The following GRIK4 variants were observed in gnomAD, a reference collection of about 807,000 sequenced individuals.
GRIK4 encodes the protein glutamate receptor ionotropic, kainate 4.
Under a neutral mutation model 104.9 loss-of-function variants are expected in GRIK4, and 40 were observed. That is an observed-to-expected ratio of 0.38 (90% CI 0.30 to 0.50). The LOEUF (loss-of-function observed/expected upper bound fraction) is 0.50. GRIK4 is among the 20% of genes least tolerant of loss of function. The probability of loss-of-function intolerance (pLI) is 0.93; values close to 1 mark genes in which losing one functional copy is unlikely to be tolerated. For synonymous variants in GRIK4, 485 were observed against 524.9 expected (o/e 0.92, Z 1.04); for missense variants, 1,047 against 1,308.1 (o/e 0.80, Z 3.08).
At chr11:120,854,854 A>AT (rs905139310) in intron 8 of GRIK4, among the ~76,000 whole-genome samples, 36 of 151,900 alleles carry the variant, frequency 2.4e-4, no homozygotes, top group South Asian at 6.3e-4. Flanking sequence ...AAATTAAAAG[A>AT]TTTTTTTTTA....
At chr11:120,788,968 A>T (rs979479604) in intron 3 of GRIK4, among the ~76,000 whole-genome samples, 1 of 152,106 alleles carries the variant, frequency 6.6e-6, no homozygotes, top group Admixed American at 6.5e-5. Flanking sequence ...GAGAATGCTC[A>T]GTCCTTGTTT....
chr11:120,629,035 G>A (rs1050132116), intron 1 of GRIK4, among the ~76,000 whole-genome samples: 8 of 152,178 alleles, frequency 5.3e-5, no homozygotes, highest in African/African-American at 9.7e-5. Flanking sequence ...AAGGAGGCAC[G>A]CGGCCGCTGA....
chr11:120,821,768 A>G (rs1953132085), intron 6 of GRIK4, among the ~76,000 whole-genome samples: 1 of 152,236 alleles, frequency 6.6e-6, no homozygotes. Flanking sequence ...TCCATCACTC[A>G]GGCAGTCAAC....
intron 1 of GRIK4, among the ~76,000 whole-genome samples, chr11:120,541,747 C>A (rs1032192430): frequency 2.0e-5 from 3 of 152,012 alleles, no homozygotes; most frequent in Non-Finnish European, 4.4e-5. Flanking sequence ...CCTTGATTTC[C>A]CAAAGTGTTG....
intron 3 of GRIK4, among the ~76,000 whole-genome samples, chr11:120,705,841 T>C (rs1458837440): frequency 6.6e-6 from 1 of 152,210 alleles, no homozygotes; most frequent in Non-Finnish European, 1.5e-5. Flanking sequence ...ACTCAACTGA[T>C]TTTGGCACAT....
intron 14 of GRIK4, among the ~76,000 whole-genome samples, chr11:120,949,781 A>G (rs1198005017): frequency 6.6e-6 from 1 of 152,222 alleles, no homozygotes; most frequent in Non-Finnish European, 1.5e-5. Context: ...TTGATGAATG[A>G]GCACCAGAGA....
intron 13 of GRIK4, among the ~76,000 whole-genome samples, chr11:120,937,318 C>A (rs1034303733): frequency 2.0e-5 from 3 of 152,206 alleles, no homozygotes; most frequent in Non-Finnish European, 2.9e-5. Flanking sequence ...GGATTACAGG[C>A]ATGAGCCACT....
At chr11:120,592,313 C>G (rs1414341564) in intron 1 of GRIK4, among the ~76,000 whole-genome samples, 1 of 152,204 alleles carries the variant, frequency 6.6e-6, no homozygotes, top group Non-Finnish European at 1.5e-5. Context: ...TGCCGTCTGA[C>G]CTGCTAACGT....
At chr11:120,701,652 G>A (rs61901371) in intron 3 of GRIK4, among the ~76,000 whole-genome samples, 20,158 of 152,144 alleles carry the variant, frequency 0.13, 1,505 homozygotes, top group African/African-American at 0.19. Context: ...GGATTGCTGC[G>A]TCATATGGTA....
chr11:120,692,575 G>C (rs1229618289), intron 3 of GRIK4, among the ~76,000 whole-genome samples: 1 of 152,168 alleles, frequency 6.6e-6, no homozygotes, highest in African/African-American at 2.4e-5. Context: ...CACGTCCCTG[G>C]AGCTGAGTTA....
At chr11:120,916,291 G>T (rs146716519) in intron 13 of GRIK4, among the ~76,000 whole-genome samples, 7 of 151,808 alleles carry the variant, frequency 4.6e-5, no homozygotes, top group Middle Eastern at 3.4e-3. Flanking sequence ...AGCTAAAAAG[G>T]CAGACAGATG....
chr11:120,585,944 A>C (rs370635764), intron 1 of GRIK4, among the ~76,000 whole-genome samples: 1 of 152,074 alleles, frequency 6.6e-6, no homozygotes, highest in African/African-American at 2.4e-5. Flanking sequence ...GGAGAGAAGC[A>C]CCTTTAGCAG....
chr11:120,839,382 C>T (rs1953659650), intron 8 of GRIK4, among the ~76,000 whole-genome samples: 1 of 152,222 alleles, frequency 6.6e-6, no homozygotes, highest in Non-Finnish European at 1.5e-5. Context: ...TGACTAGCTA[C>T]TGGCTGTGTG....
chr11:120,782,497 G>C (rs1392010454), intron 3 of GRIK4, among the ~76,000 whole-genome samples: 1 of 152,116 alleles, frequency 6.6e-6, no homozygotes, highest in Non-Finnish European at 1.5e-5. Context: ...GTGTTAGCCA[G>C]GATGGTCTCG....
intron 3 of GRIK4, among the ~76,000 whole-genome samples, chr11:120,736,973 G>A (rs960426370): frequency 6.6e-6 from 1 of 152,214 alleles, no homozygotes; most frequent in African/African-American, 2.4e-5. Context: ...AATAGGTCAT[G>A]TAAAAGGACT....
chr11:120,944,997 TAA>T (rs746226328), intron 14 of GRIK4, among the ~76,000 whole-genome samples: 13 of 144,808 alleles, frequency 9.0e-5, no homozygotes, highest in Admixed American at 6.9e-5. Context: ...GGTGTTGGTT[TAA>T]AAAAAAAAAA....
intron 19 of GRIK4, among the ~76,000 whole-genome samples, chr11:120,977,977 G>A (rs903364122): frequency 6.6e-6 from 1 of 152,206 alleles, no homozygotes; most frequent in Non-Finnish European, 1.5e-5. Context: ...AACCAGGGCG[G>A]AGCACTCAAC....
intron 3 of GRIK4, among the ~76,000 whole-genome samples, chr11:120,701,846 G>T (rs1246041248): frequency 6.6e-6 from 1 of 151,848 alleles, no homozygotes; most frequent in Non-Finnish European, 1.5e-5. Context: ...GGTAAGAAAG[G>T]TTGGAATTCT....
intron 1 of GRIK4, among the ~76,000 whole-genome samples, chr11:120,644,368 T>C (rs887375938): frequency 1.3e-5 from 2 of 152,206 alleles, no homozygotes; most frequent in Non-Finnish European, 2.9e-5. Context: ...AACTTAACTA[T>C]GTGCCAGCTA....
Sources: allele counts gnomAD v4.1 joint callset (sites outside exome capture counted in the v4.1 genomes callset), GRCh38; gene constraint gnomAD v4.1.1; transcripts MANE v1.5; gene names NCBI Gene and HGNC (gene_info 2026-07-23, HGNC 2026-07-21).